MAPK8: variants seen among roughly 807,000 people sequenced by gnomAD.
MAPK8 encodes the protein JUN N-terminal kinase.
In MAPK8, 13 loss-of-function variants were observed where a neutral mutation model predicts 52.9. The ratio of observed to expected loss-of-function variants is 0.25; its 90% confidence interval spans 0.16 to 0.39. The LOEUF (loss-of-function observed/expected upper bound fraction) is 0.39, where lower values mean the gene tolerates loss of function less well. Among genes scored for constraint, MAPK8 ranks in the 10% least tolerant of loss-of-function variants. The probability of loss-of-function intolerance (pLI) is 1.00; values close to 1 mark genes in which losing one functional copy is unlikely to be tolerated. For missense variants in MAPK8, 300 were observed against 519.2 expected (o/e 0.58, Z 4.10); for synonymous variants, 191 against 169.8 (o/e 1.12, Z -0.97).
intron 1 of MAPK8, among the ~76,000 whole-genome samples, chr10:48,381,365 T>G (rs1452558677): frequency 6.6e-6 from 1 of 152,174 alleles, no homozygotes; most frequent in Non-Finnish European, 1.5e-5. Context: ...CACACCCTCC[T>G]CTCTTTTTTA....
At position 48,426,459 on chromosome 10, in the gene MAPK8, A is replaced by G. The variant is rs765213856; in HGVS notation, c.951A>G (p.Gln317=). The part of the protein sequence containing the change: ...SKRISVDEAL[Q]HPYINVWYDP... ...GGATCTCTGTAGATGAAGCTCTCCA[A>G]CACCCGTACATCAATGTCTGGTATG... Residue 317 remains glutamine, a synonymous_variant, in exon 9 of 12, where the codon CAA becomes CAG. Transcript: ENST00000374189. 27 of 1,612,252 alleles carry G rather than the reference A, an allele frequency of 1.7e-5. 1 individual carries two copies. Among genetic ancestry groups the G allele is most frequent in the Middle Eastern group, 1.7e-4 (1 of 6,056 alleles).
At position 48,427,026 on chromosome 10, in the gene MAPK8, A is replaced by C. The variant is rs112500875; in HGVS notation, c.997-54A>C. The C allele has an allele frequency of 8.1e-5, 104 of 1,282,008 alleles. 1 individual carries two copies. The South Asian group carries it at 1.1e-3, about 14-fold the overall frequency. The allele number at this position is 1,282,008 out of a possible 1,614,324, so 79.4% of individuals were successfully genotyped here. A position where few individuals can be genotyped will look rare whatever the true frequency, so the allele number is the denominator to read the frequency against. ...TGGCTAATATTTCAAATAACTACAG[A>C]GTTAAAATACTCCCAGCATACTGAC... is the stretch of plus-strand genomic sequence containing the variant. On this transcript the variant is annotated intron_variant, in intron 9 of 11. Transcript: ENST00000374189.
Position 48,409,914 on chromosome 10 carries a change from A to G in MAPK8, c.288A>G (p.Lys96=), listed in dbSNP as rs971347570. The G allele has an allele frequency of 1.9e-6, 3 of 1,611,984 alleles. No individual in the cohort carries two copies. The highest frequency in any genetic ancestry group is 1.7e-5 in the Admixed American group (1 of 59,922). ...TTTTGAATGTTTTCACACCACAGAA[A>G]TCCCTAGAAGAATTTCAAGATGTGT... The part of the protein sequence containing the change: ...IGLLNVFTPQ[K]SLEEFQDVYI... The change falls in exon 4 of 12, where the codon AAA becomes AAG. Residue 96 remains lysine, a synonymous_variant. Coordinates refer to ENST00000374189, the MANE Select transcript of MAPK8 (RefSeq NM_001323329.2).
At chr10:48,344,161 T>C (rs1307733687) in intron 1 of MAPK8, among the ~76,000 whole-genome samples, 11 of 152,224 alleles carry the variant, frequency 7.2e-5, no homozygotes, top group African/African-American at 2.2e-4. Context: ...CTCTTAATTA[T>C]GGGTCCCCTC....
chr10:48,334,436 C>T (rs2132277813), intron 1 of MAPK8, among the ~76,000 whole-genome samples: 1 of 152,238 alleles, frequency 6.6e-6, no homozygotes, highest in South Asian at 2.1e-4. Context: ...GTCTCAGTCA[C>T]ACACACTCGA....
chr10:48,401,086 T>G (rs1182452941), intron 1 of MAPK8, among the ~76,000 whole-genome samples: 1 of 152,232 alleles, frequency 6.6e-6, no homozygotes, highest in Non-Finnish European at 1.5e-5. Flanking sequence ...TCTGTCACAG[T>G]GAAGGCACTG....
At chr10:48,342,342 C>G (rs1015874413) in intron 1 of MAPK8, among the ~76,000 whole-genome samples, 1 of 152,082 alleles carries the variant, frequency 6.6e-6, no homozygotes, top group African/African-American at 2.4e-5. Context: ...TGGTCTCAAG[C>G]AGTCCTCCCA....
At chr10:48,365,318 C>CT (rs910527289) in intron 1 of MAPK8, among the ~76,000 whole-genome samples, 7 of 152,108 alleles carry the variant, frequency 4.6e-5, no homozygotes, top group African/African-American at 1.7e-4. Context: ...GCTCTGTTGT[C>CT]TTTGTCCTTT....
chr10:48,341,710 A>G (rs1282923912), intron 1 of MAPK8, among the ~76,000 whole-genome samples: 1 of 152,246 alleles, frequency 6.6e-6, no homozygotes, highest in East Asian at 1.9e-4. Flanking sequence ...AATTGTAAAA[A>G]TAAACAATTA....
chr10:48,385,317 T>G (rs1037199336), intron 1 of MAPK8, among the ~76,000 whole-genome samples: 29 of 152,202 alleles, frequency 1.9e-4, no homozygotes, highest in Non-Finnish European at 8.8e-5. Flanking sequence ...TAGTTAACAT[T>G]GCTGACATTC....
At position 48,406,865 on chromosome 10, in the gene MAPK8, G is replaced by A. The variant is rs531383427; in HGVS notation, c.252+1884G>A. On this transcript the variant is annotated intron_variant, in intron 3 of 11. Coordinates refer to ENST00000374189, the MANE Select transcript of MAPK8 (RefSeq NM_001323329.2). ...AGCCACCTAGCACACAGTACTGCAC[G>A]TCTGATCAAATCCTCTGAGAGGAGC... Among the ~76,000 whole-genome samples, 82 of 152,254 alleles carry A rather than the reference G, an allele frequency of 5.4e-4. No individual in the cohort carries two copies. The South Asian group carries it at 7.9e-3, about 15-fold the overall frequency.
At chr10:48,327,160 G>A (rs1007727146) in intron 1 of MAPK8, among the ~76,000 whole-genome samples, 2 of 152,122 alleles carry the variant, frequency 1.3e-5, no homozygotes, top group South Asian at 2.1e-4. Context: ...TTCTTGGGGG[G>A]AAAGTAGTTT....
intron 1 of MAPK8, 149 bp from the exon 2 acceptor site, chr10:48,401,463 G>A (rs957174150): frequency 1.6e-5 from 8 of 495,378 alleles, no homozygotes; most frequent in Middle Eastern, 1.1e-3. Context: ...AAGGCTCTGC[G>A]GTATTTTTTT....
At chr10:48,392,302 CAGAG>C (rs1303072439) in intron 1 of MAPK8, among the ~76,000 whole-genome samples, 1 of 152,022 alleles carries the variant, frequency 6.6e-6, no homozygotes, top group Non-Finnish European at 1.5e-5. Context: ...ATGGGAAAAT[CAGAG>C]AGAGAGATTC....
At chr10:48,420,081 G>A in intron 5 of MAPK8, 74 bp from the exon 6 acceptor site, 3 of 1,115,918 alleles carry the variant, frequency 2.7e-6, no homozygotes, top group South Asian at 2.9e-5. Flanking sequence ...GCAAGGGATA[G>A]TATAACTTTA....
At chr10:48,348,112 T>C (rs1845963064) in intron 1 of MAPK8, among the ~76,000 whole-genome samples, 1 of 152,226 alleles carries the variant, frequency 6.6e-6, no homozygotes. Flanking sequence ...TGGTATCTTG[T>C]GGTTTTGATT....
intron 1 of MAPK8, among the ~76,000 whole-genome samples, chr10:48,326,438 A>G (rs542590041): frequency 1.3e-5 from 2 of 151,968 alleles, no homozygotes; most frequent in East Asian, 3.9e-4. Flanking sequence ...CTCCCAGCTC[A>G]TCTTGTATGT....
intron 1 of MAPK8, among the ~76,000 whole-genome samples, chr10:48,384,668 A>C (rs1431581786): frequency 1.3e-5 from 2 of 152,264 alleles, no homozygotes; most frequent in Non-Finnish European, 2.9e-5. Flanking sequence ...AACAGCCCAA[A>C]TAAAATGTAC....
rs748354922 is a variant in MAPK8 at position 48,420,295 on chromosome 10, C to T, written c.591C>T (p.Ile197=). The change falls in exon 6 of 12, where the codon ATC becomes ATT. Residue 197 remains isoleucine, a synonymous_variant. Transcript: ENST00000374189. ...VTRYYRAPEV[I]LGMGYKENVD... ...GCTACTACAGAGCACCCGAGGTCATCCTTGGCATGGGCTACAAGGAAAACG... is the reference window on the plus strand; with the variant it reads ...GCTACTACAGAGCACCCGAGGTCATTCTTGGCATGGGCTACAAGGAAAACG... 5 of 1,611,660 alleles carry T rather than the reference C, an allele frequency of 3.1e-6. No homozygotes were observed. Among genetic ancestry groups the T allele is most frequent in the Non-Finnish European group, 4.2e-6 (5 of 1,178,608 alleles).
Sources: allele counts gnomAD v4.1 joint callset (sites outside exome capture counted in the v4.1 genomes callset), GRCh38; gene constraint gnomAD v4.1.1; transcripts MANE v1.5; gene names NCBI Gene and HGNC (gene_info 2026-07-23, HGNC 2026-07-21).